BABAM2: variants seen among roughly 807,000 people sequenced by gnomAD.
The protein encoded by BABAM2 is BRISC and BRCA1-A complex member 2.
BABAM2 carries 31 observed loss-of-function variants against 54.7 expected under a neutral mutation model. The observed-to-expected ratio is 0.57, with a 90% CI of 0.43 to 0.77. The LOEUF is 0.77. Ranked by LOEUF, BABAM2 falls within the 30% of genes least tolerant of loss-of-function variation. The pLI, the probability that BABAM2 is intolerant of heterozygous loss-of-function variation, is 0.00. For synonymous variants in BABAM2, 167 were observed against 162.9 expected (o/e 1.03, Z -0.19); for missense variants, 364 against 455.8 (o/e 0.80, Z 1.83).
chr2:28,184,468 T>G (rs1676054187), intron 7 of BABAM2, among the ~76,000 whole-genome samples: 1 of 134,586 alleles, frequency 7.4e-6, no homozygotes, highest in Non-Finnish European at 1.7e-5. Flanking sequence ...CCTAATGCTA[T>G]CCCTCCCCTC....
rs112524274 is a variant in BABAM2 at position 28,186,625 on chromosome 2, G to C, written c.681-50577G>C. 4.6e-3 allele frequency among the ~76,000 whole-genome samples: 700 copies of C among 152,012 alleles called. 3 individuals are homozygous for C. The highest frequency in any genetic ancestry group is 0.016 in the African/African-American group (670 of 41,448). ...AGAGACAGAGACAGAGAGAGACAGAGAGAGGGGAGAAAGAGAGAGAGTATG... is the reference window on the plus strand; with the variant it reads ...AGAGACAGAGACAGAGAGAGACAGACAGAGGGGAGAAAGAGAGAGAGTATG... On this transcript the variant is annotated intron_variant, in intron 7 of 11. Transcript: ENST00000379624.
At chr2:28,260,075 A>G (rs1239447514) in intron 10 of BABAM2, among the ~76,000 whole-genome samples, 1 of 151,662 alleles carries the variant, frequency 6.6e-6, no homozygotes, top group Non-Finnish European at 1.5e-5. Context: ...TAATTTTTGT[A>G]TTTTTAGTAG....
At chr2:28,303,395 G>A (rs1019171627) in intron 11 of BABAM2, among the ~76,000 whole-genome samples, 9 of 152,034 alleles carry the variant, frequency 5.9e-5, no homozygotes, top group African/African-American at 2.2e-4. Context: ...TTAATTTTTT[G>A]TTCATATGTA....
intron 7 of BABAM2, among the ~76,000 whole-genome samples, chr2:28,221,153 C>G (rs1680374513): frequency 6.6e-6 from 1 of 151,486 alleles, no homozygotes; most frequent in South Asian, 2.1e-4. Flanking sequence ...CAAGGAAAAC[C>G]TCTGGGACAC....
At chr2:27,915,867 TTG>T (rs1188932770) in intron 2 of BABAM2, among the ~76,000 whole-genome samples, 1 of 152,202 alleles carries the variant, frequency 6.6e-6, no homozygotes, top group African/African-American at 2.4e-5. Flanking sequence ...CATTTTCTTT[TTG>T]TTTCTTCTCC....
intron 3 of BABAM2, among the ~76,000 whole-genome samples, chr2:27,951,518 T>C (rs962028073): frequency 4.6e-5 from 7 of 152,166 alleles, no homozygotes; most frequent in African/African-American, 1.7e-4. Flanking sequence ...TGTATTGAGA[T>C]TTGTTTTATG....
intron 5 of BABAM2, 107 bp downstream of exon 5, chr2:28,025,527 C>T (rs1675590806): frequency 9.1e-7 from 1 of 1,093,754 alleles, no homozygotes; most frequent in Non-Finnish European, 1.3e-6. Flanking sequence ...AAACATGGTC[C>T]AGGTAGCCTA....
chr2:28,286,048 T>C lies in BABAM2; in HGVS notation c.935-12290T>C, dbSNP rs1686774094. On this transcript the variant is annotated intron_variant, in intron 10 of 11. Coordinates refer to ENST00000379624, the MANE Select transcript of BABAM2 (RefSeq NM_199191.3). ...TCGGCTCACTGCAACCTCTACCTCC[T>C]GGGTTCAAGCAATTCTCCTGCCTCA... Among the ~76,000 whole-genome samples, 3 of 151,244 alleles carry C rather than the reference T, an allele frequency of 2.0e-5. No homozygotes were observed. The South Asian group carries it at 6.3e-4, about 32-fold the overall frequency.
intron 4 of BABAM2, among the ~76,000 whole-genome samples, chr2:28,020,952 GACACACAC>G (rs57086132): frequency 5.7e-4 from 82 of 144,518 alleles, no homozygotes; most frequent in South Asian, 2.5e-3. Flanking sequence ...CTGTCTCTCT[GACACACAC>G]ACACACACAC....
At chr2:28,151,910 C>T (rs963595501) in intron 7 of BABAM2, among the ~76,000 whole-genome samples, 8 of 152,126 alleles carry the variant, frequency 5.3e-5, no homozygotes, top group African/African-American at 1.7e-4. Context: ...CCCCACTGTT[C>T]GTGGGCACTG....
chr2:28,070,551 C>CTTTTTTT lies in BABAM2; in HGVS notation c.570+24756_570+24757insTTTTTTT, dbSNP rs779324534. Reference sequence around the variant, plus strand: ...CTGCTGCAGTCTTTGAAGTACTTTTCTTTTCTTTTTTTTTTTGAGACGGAG... The same window carrying CTTTTTTT: ...CTGCTGCAGTCTTTGAAGTACTTTTCTTTTTTTTTTTCTTTTTTTTTTTGAGACGGAG... On this transcript the variant is annotated intron_variant, in intron 6 of 11. Transcript: ENST00000379624. Among the ~76,000 whole-genome samples the CTTTTTTT allele has an allele frequency of 5.2e-4, 45 of 85,792 alleles. 2 individuals carry two copies. The highest frequency in any genetic ancestry group is 1.3e-3 in the African/African-American group (41 of 31,086). The allele number at this position is 85,792 out of a possible 152,430, so 56.3% of individuals were successfully genotyped here.
At chr2:28,187,154 C>G (rs1014627505) in intron 7 of BABAM2, among the ~76,000 whole-genome samples, 15 of 152,128 alleles carry the variant, frequency 9.9e-5, no homozygotes, top group Admixed American at 7.9e-4. Context: ...ATTGTGCATG[C>G]TACTGCAACT....
At chr2:27,949,408 C>T (rs1453292831) in intron 3 of BABAM2, among the ~76,000 whole-genome samples, 1 of 152,056 alleles carries the variant, frequency 6.6e-6, no homozygotes, top group Non-Finnish European at 1.5e-5. Context: ...GTGATGGGTG[C>T]CTGTGATCCC....
At chr2:28,231,081 T>C (rs1681341005) in intron 7 of BABAM2, among the ~76,000 whole-genome samples, 1 of 152,218 alleles carries the variant, frequency 6.6e-6, no homozygotes. Context: ...ACTTACTTGC[T>C]GGGTTATCTT....
intron 2 of BABAM2, among the ~76,000 whole-genome samples, chr2:27,918,115 A>G (rs1667110104): frequency 6.6e-6 from 1 of 152,218 alleles, no homozygotes; most frequent in Non-Finnish European, 1.5e-5. Flanking sequence ...CATGTAACAT[A>G]AATTTACTAT....
chr2:28,203,949 T>A (rs1678558140), intron 7 of BABAM2, among the ~76,000 whole-genome samples: 1 of 152,220 alleles, frequency 6.6e-6, no homozygotes, highest in Admixed American at 6.5e-5. Flanking sequence ...TCCTCCTACA[T>A]CCTTGCCAAT....
chr2:28,245,707 A>G (rs1002858776), intron 10 of BABAM2, among the ~76,000 whole-genome samples: 1 of 152,174 alleles, frequency 6.6e-6, no homozygotes, highest in African/African-American at 2.4e-5. Flanking sequence ...AGTTAGAGAA[A>G]AGCAGTGGGT....
intron 5 of BABAM2, among the ~76,000 whole-genome samples, chr2:28,028,268 CAAG>C (rs1676020303): frequency 6.6e-6 from 1 of 152,052 alleles, no homozygotes; most frequent in Non-Finnish European, 1.5e-5. Flanking sequence ...TAGGGGAGAG[CAAG>C]AAGGAGTGTG....
intron 7 of BABAM2, among the ~76,000 whole-genome samples, chr2:28,173,489 G>A (rs909995159): frequency 3.9e-5 from 6 of 152,146 alleles, no homozygotes; most frequent in African/African-American, 7.2e-5. Flanking sequence ...GATGTCCTAC[G>A]GTTTAGAGCA....
Sources: gnomAD v4.1 joint callset for allele counts (sites outside exome capture counted in the v4.1 genomes callset) on GRCh38, gnomAD v4.1.1 for gene constraint, MANE v1.5 for transcripts, NCBI Gene and HGNC (gene_info 2026-07-23, HGNC 2026-07-21) for gene names.